Variants in OR7E24 observed in about 807,000 individuals in gnomAD.
OR7E24 encodes olfactory receptor family 7 subfamily E member 24, also known as olfactory receptor 7E24.
For missense variants in OR7E24, 385 were observed against 410.3 expected (o/e 0.94, Z 0.53); for synonymous variants, 130 against 157.5 (o/e 0.83, Z 1.31).
the OR7E24 span, among the ~76,000 whole-genome samples, chr19:9,220,170 A>G: frequency 3.3e-5 from 5 of 152,150 alleles, no homozygotes; most frequent in Admixed American, 6.6e-5. Context: ...ATTATCTCAC[A>G]GAGTCGTTAT....
the OR7E24 span, among the ~76,000 whole-genome samples, chr19:9,218,818 G>A: frequency 6.6e-6 from 1 of 152,020 alleles, no homozygotes; most frequent in Non-Finnish European, 1.5e-5. Context: ...TTGTTTAGTA[G>A]AGACAGGGTT....
At chr19:9,213,743 C>T in the OR7E24 span, 1 of 625,702 alleles carries the variant, frequency 1.6e-6, no homozygotes, top group Non-Finnish European at 2.8e-6. Flanking sequence ...GTCTCAAAAA[C>T]AATAACAATA....
At chr19:9,208,804 G>C in the OR7E24 span, 1 of 147,820 alleles carries the variant, frequency 6.8e-6, no homozygotes, top group Non-Finnish European at 1.5e-5. Flanking sequence ...TGATTCTCCT[G>C]CCTCAGCCTC....
chr19:9,222,959 G>A, the OR7E24 span, among the ~76,000 whole-genome samples: 7 of 152,118 alleles, frequency 4.6e-5, no homozygotes, highest in Non-Finnish European at 7.3e-5. Flanking sequence ...TTTTTACTAT[G>A]TTGAGGTATA....
chr19:9,229,853 T>A, the OR7E24 span, among the ~76,000 whole-genome samples: 1 of 152,208 alleles, frequency 6.6e-6, no homozygotes, highest in Non-Finnish European at 1.5e-5. Flanking sequence ...GATCCCAGCC[T>A]TGGAAAAAAC....
chr19:9,243,832 A>T (rs183269580), upstream of OR7E24, among the ~76,000 whole-genome samples: 51 of 152,310 alleles, frequency 3.3e-4, no homozygotes, highest in African/African-American at 1.2e-3. Flanking sequence ...CAGCTTCCTG[A>T]TGCAACTTCA....
upstream of OR7E24, among the ~76,000 whole-genome samples, chr19:9,246,981 TTAAAA>T (rs2066132305): frequency 6.6e-6 from 1 of 152,176 alleles, no homozygotes; most frequent in South Asian, 2.1e-4. Context: ...GCTATATACT[TTAAAA>T]TGATGAAAAT....
upstream of OR7E24, among the ~76,000 whole-genome samples, chr19:9,243,288 C>T (rs956702557): frequency 6.6e-6 from 1 of 152,100 alleles, no homozygotes; most frequent in Admixed American, 6.6e-5. Context: ...ATCCACTTTC[C>T]CCAATGCATG....
Position 9,251,172 on chromosome 19 carries a change from G to T in OR7E24, c.129G>T (p.Pro43=), listed in dbSNP as rs748258047. 37 of 1,613,706 alleles carry T rather than the reference G, an allele frequency of 2.3e-5. No homozygotes were observed. The highest frequency in any genetic ancestry group is 4.0e-5 in the African/African-American group (3 of 74,820). The change falls in exon 1 of 1, where the codon CCG becomes CCT. Residue 43 remains proline (P), a synonymous_variant. Coordinates refer to ENST00000456448, the MANE Select transcript of OR7E24 (RefSeq NM_001079935.2). ...TCTCAGAGGATCCAGAACTGCAGCC[G>T]GTCCTCGCTGGGCTGTTCCTGTCCA... is the stretch of plus-strand genomic sequence containing the variant. The part of the protein sequence containing the change: ...LGLSEDPELQ[P]VLAGLFLSMY...
In OR7E24 at chr19:9,251,798, A is replaced by C. The variant is rs1231253490; in HGVS notation, c.755A>C (p.Lys252Thr). 1.2e-6 allele frequency: 2 copies of C among 1,612,910 alleles called. No homozygotes were observed. The highest frequency in any genetic ancestry group is 1.7e-6 in the Non-Finnish European group (2 of 1,179,440). ...CTGAGAGTTCCAACATCAGATGGGA[A>C]GTATAAAGCCTTCTCCACCTGTGGC... ...PILRVPTSDG[K>T]YKAFSTCGSH... Residue 252 changes from lysine (K) to threonine (T), a missense_variant, in exon 1 of 1, where the codon AAG (lysine) becomes ACG (threonine). Transcript: ENST00000456448.
the OR7E24 span, chr19:9,214,666 G>T: frequency 3.1e-6 from 5 of 1,614,140 alleles, no homozygotes; most frequent in Non-Finnish European, 3.4e-6. Flanking sequence ...AAGTACATGG[G>T]GGTGTGGAGG....
At chr19:9,249,313 G>A, upstream of OR7E24, among the ~76,000 whole-genome samples, 1 of 152,152 alleles carries the variant, frequency 6.6e-6, no homozygotes, top group East Asian at 1.9e-4. Context: ...TAGAATCTCT[G>A]TTACATATTG....
the OR7E24 span, among the ~76,000 whole-genome samples, chr19:9,234,777 T>C: frequency 6.6e-6 from 1 of 152,192 alleles, no homozygotes; most frequent in African/African-American, 2.4e-5. Flanking sequence ...GAAAAAAAGA[T>C]TGCCTGAGTT....
chr19:9,213,939 G>A, the OR7E24 span: 6 of 1,613,934 alleles, frequency 3.7e-6, no homozygotes, highest in African/African-American at 1.3e-5. Flanking sequence ...TCTTTCCAGG[G>A]CCCCCTTCAC....
the OR7E24 span, chr19:9,235,875 C>A: frequency 6.2e-6 from 10 of 1,607,520 alleles, no homozygotes; most frequent in Non-Finnish European, 8.5e-6. Flanking sequence ...GTGGATCTCA[C>A]CTCTGTGTGG....
chr19:9,234,410 C>T, the OR7E24 span, among the ~76,000 whole-genome samples: 2 of 152,122 alleles, frequency 1.3e-5, no homozygotes, highest in Non-Finnish European at 2.9e-5. Context: ...CACAAAGCCA[C>T]TTTTAAAACC....
the OR7E24 span, among the ~76,000 whole-genome samples, chr19:9,241,394 C>T: frequency 6.6e-6 from 1 of 152,260 alleles, no homozygotes; most frequent in East Asian, 1.9e-4. Flanking sequence ...CCTCAGCAGA[C>T]CAGCCTCTTG....
chr19:9,237,298 A>AATTTATTT, the OR7E24 span, among the ~76,000 whole-genome samples: 35 of 149,022 alleles, frequency 2.3e-4, no homozygotes, highest in African/African-American at 8.7e-4. Flanking sequence ...GTTTTTTTAA[A>AATTTATTT]ATTTATTTAT....
At chr19:9,246,089 T>A (rs1287649101), upstream of OR7E24, among the ~76,000 whole-genome samples, 38 of 91,092 alleles carry the variant, frequency 4.2e-4, no homozygotes, top group African/African-American at 2.0e-3. Flanking sequence ...TTTTTTTTTT[T>A]TATGGAGTCT....
Sources: gnomAD v4.1 joint callset for allele counts (sites outside exome capture counted in the v4.1 genomes callset) on GRCh38, gnomAD v4.1.1 for gene constraint, MANE v1.5 for transcripts, NCBI Gene and HGNC (gene_info 2026-07-23, HGNC 2026-07-21) for gene names.